Variants in CCSER1 observed in about 807,000 individuals in gnomAD.
CCSER1 encodes the protein coiled-coil serine rich protein 1, also known as serine-rich coiled-coil domain-containing protein 1.
Under a neutral mutation model 82.0 loss-of-function variants are expected in CCSER1, and 41 were observed. The ratio of observed to expected loss-of-function variants is 0.50; its 90% CI spans 0.39 to 0.65. The LOEUF (loss-of-function observed/expected upper bound fraction) is 0.65, where lower values mean the gene tolerates loss of function less well. Among genes scored for constraint, CCSER1 ranks in the 30% least tolerant of loss-of-function variants. The pLI is 0.00. For synonymous variants in CCSER1, 414 were observed against 383.9 expected (o/e 1.08, Z -0.92); for missense variants, 1,119 against 1,064.2 (o/e 1.05, Z -0.72).
intron 10 of CCSER1, among the ~76,000 whole-genome samples, chr4:91,102,816 C>T (rs1023117347): frequency 6.6e-6 from 1 of 152,296 alleles, no homozygotes; most frequent in Admixed American, 6.5e-5. Flanking sequence ...ATTCAGCCTG[C>T]TTTTATCAGA....
chr4:90,298,329 C>A (rs562418506), intron 1 of CCSER1, among the ~76,000 whole-genome samples: 7 of 151,958 alleles, frequency 4.6e-5, no homozygotes, highest in Non-Finnish European at 8.8e-5. Context: ...TCTGTGGGAT[C>A]GGTGGTGATA....
chr4:90,279,115 T>C (rs1011231207), intron 1 of CCSER1, among the ~76,000 whole-genome samples: 8 of 152,098 alleles, frequency 5.3e-5, no homozygotes, highest in Admixed American at 4.6e-4. Flanking sequence ...TTTCAGTACT[T>C]CACTCTACGT....
intron 4 of CCSER1, among the ~76,000 whole-genome samples, chr4:90,451,517 CA>C (rs1259526909): frequency 6.6e-6 from 1 of 152,166 alleles, no homozygotes; most frequent in African/African-American, 2.4e-5. Flanking sequence ...GAGCACTTGA[CA>C]GGTTTTATCT....
intron 2 of CCSER1, among the ~76,000 whole-genome samples, chr4:90,310,033 T>C (rs1168461442): frequency 1.3e-5 from 2 of 152,172 alleles, no homozygotes; most frequent in South Asian, 2.1e-4. Flanking sequence ...AAAATCACTA[T>C]AAAATTTGTA....
At chr4:91,037,082 T>G (rs1741497455) in intron 9 of CCSER1, among the ~76,000 whole-genome samples, 1 of 151,938 alleles carries the variant, frequency 6.6e-6, no homozygotes, top group African/African-American at 2.4e-5. Flanking sequence ...GTCTCAAAAA[T>G]AAATAAATGA....
At chr4:90,712,919 A>G (rs549710683) in intron 6 of CCSER1, among the ~76,000 whole-genome samples, 2 of 140,022 alleles carry the variant, frequency 1.4e-5, no homozygotes, top group Admixed American at 7.1e-5. Context: ...TTTTTTTTTA[A>G]TCATTGTTGG....
At chr4:91,587,087 TCA>T (rs907910657) in intron 10 of CCSER1, among the ~76,000 whole-genome samples, 1 of 151,772 alleles carries the variant, frequency 6.6e-6, no homozygotes, top group African/African-American at 2.4e-5. Flanking sequence ...ACCTCTTCTC[TCA>T]CAGTTATTTG....
intron 5 of CCSER1, 117 bp downstream of exon 5, chr4:90,468,471 A>G: frequency 1.1e-6 from 1 of 913,156 alleles, no homozygotes; most frequent in Non-Finnish European, 1.6e-6. Flanking sequence ...AATAAATTTT[A>G]TGGGTTAAAA....
chr4:91,559,347 T>C (rs1472058808), intron 10 of CCSER1, among the ~76,000 whole-genome samples: 1 of 151,602 alleles, frequency 6.6e-6, no homozygotes, highest in Non-Finnish European at 1.5e-5. Flanking sequence ...AATCAAAGCG[T>C]GTATAATTGG....
At chr4:90,547,741 A>G (rs948427287) in intron 5 of CCSER1, among the ~76,000 whole-genome samples, 22 of 152,274 alleles carry the variant, frequency 1.4e-4, no homozygotes, top group African/African-American at 5.3e-4. Context: ...CTTAACTTCG[A>G]AAATGATTTC....
intron 10 of CCSER1, among the ~76,000 whole-genome samples, chr4:91,096,622 G>A (rs575789743): frequency 3.5e-4 from 53 of 152,130 alleles, no homozygotes; most frequent in Middle Eastern, 6.8e-3. Context: ...CCTCTAATTC[G>A]GGCCAATCTA....
intron 4 of CCSER1, among the ~76,000 whole-genome samples, chr4:90,423,736 C>T (rs1757075389): frequency 6.6e-6 from 1 of 151,940 alleles, no homozygotes. Context: ...ATCGGCTTCC[C>T]AAAGTGCTGG....
At chr4:90,954,313 A>G (rs1733211973) in intron 9 of CCSER1, among the ~76,000 whole-genome samples, 2 of 152,042 alleles carry the variant, frequency 1.3e-5, no homozygotes. Flanking sequence ...TCTCCAAAAC[A>G]TATTTTATTA....
At chr4:90,621,695 A>G (rs1722353427) in intron 5 of CCSER1, among the ~76,000 whole-genome samples, 1 of 152,204 alleles carries the variant, frequency 6.6e-6, no homozygotes, top group African/African-American at 2.4e-5. Context: ...TGAATGGATG[A>G]CATGTTTTTC....
chr4:91,121,013 C>A (rs1239397021), intron 10 of CCSER1, among the ~76,000 whole-genome samples: 3 of 151,748 alleles, frequency 2.0e-5, no homozygotes, highest in Non-Finnish European at 4.4e-5. Flanking sequence ...GGAAAAGGGT[C>A]ATATAGAAAT....
intron 10 of CCSER1, among the ~76,000 whole-genome samples, chr4:91,404,550 C>T (rs1034888804): frequency 6.6e-6 from 1 of 152,182 alleles, no homozygotes; most frequent in African/African-American, 2.4e-5. Flanking sequence ...AAATTTCCCT[C>T]TACACACTGC....
intron 4 of CCSER1, among the ~76,000 whole-genome samples, chr4:90,415,608 A>G (rs985447471): frequency 2.6e-5 from 4 of 152,248 alleles, no homozygotes; most frequent in African/African-American, 9.6e-5. Flanking sequence ...CAATTTTGCA[A>G]ATGGCTGTTA....
At position 91,013,329 on chromosome 4, in the gene CCSER1, TC is replaced by T. The variant is rs138582709; in HGVS notation, c.2173-72619del. Among the ~76,000 whole-genome samples the T allele has an allele frequency of 3.0e-5, 4 of 133,904 alleles. 2 individuals carry two copies. Among genetic ancestry groups the T allele is most frequent in the East Asian group, 4.8e-4 (2 of 4,200 alleles). 87.8% of individuals were successfully genotyped at this position (133,904 alleles called of 152,430 possible). On this transcript the variant is annotated intron_variant, in intron 9 of 10. Transcript: ENST00000509176. ...CACTCTTTGTTGAAGACATTATTTT[TC>T]CACCTTTGTATAGTCTCGGCACTCT...
intron 5 of CCSER1, among the ~76,000 whole-genome samples, chr4:90,529,557 T>G (rs547439447): frequency 5.5e-4 from 83 of 152,256 alleles, no homozygotes; most frequent in African/African-American, 1.7e-3. Context: ...AATGACCTAC[T>G]ACTGATATTT....
Sources: gnomAD v4.1 joint callset for allele counts (sites outside exome capture counted in the v4.1 genomes callset) on GRCh38, gnomAD v4.1.1 for gene constraint, MANE v1.5 for transcripts, NCBI Gene and HGNC (gene_info 2026-07-23, HGNC 2026-07-21) for gene names.